Variants in PTPRA observed in about 807,000 individuals in gnomAD.
PTPRA encodes the protein receptor-type tyrosine-protein phosphatase alpha.
In PTPRA, 25 loss-of-function variants were observed where a neutral mutation model predicts 104.8. That is an observed-to-expected ratio of 0.24 (90% CI 0.17 to 0.33). The LOEUF is 0.33. Among genes scored for constraint, PTPRA ranks in the 10% least tolerant of loss-of-function variants. PTPRA has a pLI of 1.00. For missense variants in PTPRA, 765 were observed against 1,015.3 expected (o/e 0.75, Z 3.35); for synonymous variants, 323 against 368.9 (o/e 0.88, Z 1.43).
intron 1 of PTPRA, among the ~76,000 whole-genome samples, chr20:2,909,780 A>AAG (rs1351369968): frequency 1.5e-5 from 2 of 135,578 alleles, no homozygotes; most frequent in African/African-American, 5.5e-5. Flanking sequence ...ATTATAAGAT[A>AAG]ATATAATATA....
intron 1 of PTPRA, among the ~76,000 whole-genome samples, chr20:2,878,761 A>G (rs1305655936): frequency 6.6e-6 from 1 of 152,226 alleles, no homozygotes; most frequent in Non-Finnish European, 1.5e-5. Flanking sequence ...ATCTAGTGCT[A>G]TTACAAAGAA....
intron 1 of PTPRA, among the ~76,000 whole-genome samples, chr20:2,917,510 C>G (rs1421058941): frequency 1.3e-5 from 2 of 152,202 alleles, no homozygotes; most frequent in African/African-American, 2.4e-5. Flanking sequence ...GCTCACACTT[C>G]CAGCCTTAGC....
chr20:2,903,714 A>G (rs1170728741), intron 1 of PTPRA, among the ~76,000 whole-genome samples: 1 of 152,108 alleles, frequency 6.6e-6, no homozygotes, highest in East Asian at 1.9e-4. Flanking sequence ...TATTGATGGG[A>G]TTGTAAAGGC....
At chr20:2,981,004 C>G (rs1374342837) in intron 6 of PTPRA, among the ~76,000 whole-genome samples, 2 of 152,088 alleles carry the variant, frequency 1.3e-5, no homozygotes, top group African/African-American at 4.8e-5. Flanking sequence ...TTCCTTTCCT[C>G]TCTTGTGGTT....
At chr20:2,874,312 C>T (rs758693297) in intron 1 of PTPRA, among the ~76,000 whole-genome samples, 45 of 151,896 alleles carry the variant, frequency 3.0e-4, no homozygotes, top group Admixed American at 4.6e-4. Flanking sequence ...ATTGAGAACG[C>T]AGGTCCCCTC....
chr20:2,923,793 CCTT>C (rs2060188179), intron 2 of PTPRA, among the ~76,000 whole-genome samples: 1 of 151,988 alleles, frequency 6.6e-6, no homozygotes. Context: ...GAATGAAACT[CCTT>C]CTCAAAAAAA....
At chr20:2,970,590 G>A (rs1197785506) in intron 5 of PTPRA, among the ~76,000 whole-genome samples, 1 of 152,074 alleles carries the variant, frequency 6.6e-6, no homozygotes, top group Admixed American at 6.6e-5. Context: ...TTGTACGTTT[G>A]GGAAATGAGT....
chr20:2,905,746 G>T lies in PTPRA; in HGVS notation c.-128-17461G>T, dbSNP rs117487250. ...GTTTCCCAGGCTAGAGTGCAATGGT[G>T]TGGTCTCAGCTCACCACAACCTCTG... On this transcript the variant is annotated intron_variant, in intron 1 of 23. Coordinates refer to ENST00000399903, the MANE Select transcript of PTPRA (RefSeq NM_001385305.1). Among the ~76,000 whole-genome samples the T allele has an allele frequency of 1.5e-4, 20 of 129,166 alleles. No homozygotes were observed. In the East Asian group the frequency reaches 4.5e-3, roughly 29 times the overall value. The allele number at this position is 129,166 out of a possible 152,430, so 84.7% of individuals were successfully genotyped here. A position where few individuals can be genotyped will look rare whatever the true frequency, so the allele number is the denominator to read the frequency against.
intron 1 of PTPRA, among the ~76,000 whole-genome samples, chr20:2,876,391 G>C (rs2089720759): frequency 6.6e-6 from 1 of 152,266 alleles, no homozygotes; most frequent in East Asian, 1.9e-4. Context: ...GCCTTCCATA[G>C]ACACTGTTGC....
Position 2,883,428 on chromosome 20 carries a change from G to A in PTPRA, c.-129+9668G>A, listed in dbSNP as rs1330292785. ...AGCACTTTGGGAGGCCGAGGCGGGCGGATCACGAGGTCAGGAGATCGAGAC... is the reference window on the plus strand; with the variant it reads ...AGCACTTTGGGAGGCCGAGGCGGGCAGATCACGAGGTCAGGAGATCGAGAC... On this transcript the variant is annotated intron_variant, in intron 1 of 23. Coordinates refer to ENST00000399903, the MANE Select transcript of PTPRA (RefSeq NM_001385305.1). Among the ~76,000 whole-genome samples the A allele has an allele frequency of 8.7e-5, 2 of 23,030 alleles. 1 individual carries two copies. The highest frequency in any genetic ancestry group is 1.2e-4 in the Non-Finnish European group (2 of 16,338). 15.1% of individuals were successfully genotyped at this position (23,030 alleles called of 152,430 possible).
intron 3 of PTPRA, among the ~76,000 whole-genome samples, chr20:2,951,565 G>A (rs1015180557): frequency 2.6e-5 from 4 of 152,110 alleles, no homozygotes; most frequent in Non-Finnish European, 2.9e-5. Context: ...CAGGAAACTC[G>A]GGACATCCCT....
intron 2 of PTPRA, among the ~76,000 whole-genome samples, chr20:2,928,978 C>T (rs1007703499): frequency 7.6e-4 from 115 of 151,846 alleles, no homozygotes; most frequent in African/African-American, 2.6e-3. Flanking sequence ...TATAGGCATG[C>T]GCTACTACAC....
At chr20:2,904,762 C>T (rs1404959826) in intron 1 of PTPRA, among the ~76,000 whole-genome samples, 1 of 150,598 alleles carries the variant, frequency 6.6e-6, no homozygotes, top group Admixed American at 6.6e-5. Flanking sequence ...ATGAAAGTGT[C>T]AGTGTGTAGG....
intron 12 of PTPRA, among the ~76,000 whole-genome samples, chr20:3,017,196 TC>T (rs2064509870): frequency 6.6e-6 from 1 of 152,216 alleles, no homozygotes. Context: ...TCTAGAATCT[TC>T]TTTCTTCAGT....
intron 22 of PTPRA, 140 bp downstream of exon 22, chr20:3,036,081 A>G (rs1348383483): frequency 1.4e-6 from 2 of 1,440,240 alleles, no homozygotes; most frequent in East Asian, 2.4e-5. Flanking sequence ...GATTGATGCC[A>G]AGACAGGATT....
At chr20:2,912,444 C>T (rs1244093475) in intron 1 of PTPRA, among the ~76,000 whole-genome samples, 10 of 151,898 alleles carry the variant, frequency 6.6e-5, no homozygotes, top group East Asian at 1.9e-4. Context: ...GGCAACGTGG[C>T]GAAACTCCGT....
At chr20:2,897,317 A>T (rs141594901) in intron 1 of PTPRA, among the ~76,000 whole-genome samples, 248 of 151,278 alleles carry the variant, frequency 1.6e-3, no homozygotes, top group Non-Finnish European at 2.8e-3. Context: ...ATCAGTTATT[A>T]TAGTGGTTGC....
chr20:2,876,800 A>G (rs2089748163), intron 1 of PTPRA, among the ~76,000 whole-genome samples: 1 of 152,192 alleles, frequency 6.6e-6, no homozygotes, highest in African/African-American at 2.4e-5. Context: ...CCTCTCCCCC[A>G]AAGTGTATAG....
chr20:3,002,243 A>C (rs1157501738), intron 9 of PTPRA, among the ~76,000 whole-genome samples: 2 of 151,726 alleles, frequency 1.3e-5, no homozygotes, highest in East Asian at 3.9e-4. Flanking sequence ...ATTATCAAAG[A>C]CAGAAACGTT....
Sources: gnomAD v4.1 joint callset for allele counts (sites outside exome capture counted in the v4.1 genomes callset) on GRCh38, gnomAD v4.1.1 for gene constraint, MANE v1.5 for transcripts, NCBI Gene and HGNC (gene_info 2026-07-23, HGNC 2026-07-21) for gene names.